The following DPP6 variants were observed in gnomAD, a reference collection of about 807,000 sequenced individuals.
The protein encoded by DPP6 is dipeptidyl peptidase like 6.
DPP6 carries 69 observed loss-of-function variants against 122.6 expected under a neutral mutation model. The observed-to-expected ratio is 0.56, with a 90% CI of 0.46 to 0.69. DPP6 has a LOEUF of 0.69. Among genes scored for constraint, DPP6 ranks in the 30% least tolerant of loss-of-function variants. The pLI is 0.00. For synonymous variants in DPP6, 418 were observed against 433.1 expected (o/e 0.97, Z 0.43); for missense variants, 928 against 1,116.9 (o/e 0.83, Z 2.41).
chr7:154,700,702 G>A lies in DPP6; in HGVS notation c.763-27065G>A, dbSNP rs561045369. On this transcript the variant is annotated intron_variant, in intron 7 of 25. Coordinates refer to ENST00000377770, the MANE Select transcript of DPP6 (RefSeq NM_130797.4). Reference sequence around the variant, plus strand: ...AGAAAATGTGCATCTACTTCCCCAGGATAGGGCGGTGGCCCCTCGAACCCC... The same window carrying A: ...AGAAAATGTGCATCTACTTCCCCAGAATAGGGCGGTGGCCCCTCGAACCCC... Among the ~76,000 whole-genome samples, 4 of 152,090 alleles carry A rather than the reference G, an allele frequency of 2.6e-5. No homozygotes were observed. In the South Asian group the frequency reaches 8.3e-4, roughly 32 times the overall value.
the DPP6 span, among the ~76,000 whole-genome samples, chr7:153,787,244 C>A: frequency 6.9e-6 from 1 of 145,384 alleles, no homozygotes; most frequent in African/African-American, 2.6e-5. Flanking sequence ...GCCACTGCGC[C>A]CGGCCACGGA....
At chr7:154,269,618 G>A (rs925947891) in intron 1 of DPP6, among the ~76,000 whole-genome samples, 4 of 152,164 alleles carry the variant, frequency 2.6e-5, no homozygotes, top group African/African-American at 9.7e-5. Context: ...CCTGATCATG[G>A]ACAAGTTCCT....
chr7:153,935,027 C>T (rs1269136111), intron 1 of DPP6, among the ~76,000 whole-genome samples: 3 of 152,158 alleles, frequency 2.0e-5, no homozygotes, highest in African/African-American at 4.8e-5. Context: ...ACAGAAGGCC[C>T]GGGGGAGGAG....
At position 154,225,091 on chromosome 7, in the gene DPP6, G is replaced by A. The variant is rs141065802; in HGVS notation, c.243+172028G>A. The stretch of plus-strand genomic sequence containing the variant: ...TGGGAGGTGAAGGTTGCAGTGAGCC[G>A]AGACTGTGCCACTGCACTCCAGCCT... On this transcript the variant is annotated intron_variant, in intron 1 of 25. Transcript: ENST00000377770. Among the ~76,000 whole-genome samples the A allele has an allele frequency of 4.4e-3, 674 of 152,198 alleles. 7 individuals carry two copies. Among genetic ancestry groups the A allele is most frequent in the African/African-American group, 0.015 (642 of 41,530 alleles).
chr7:154,368,161 C>T lies in DPP6; in HGVS notation c.244-78053C>T, dbSNP rs183311154. Among the ~76,000 whole-genome samples the T allele has an allele frequency of 3.5e-4, 54 of 152,264 alleles. No homozygotes were observed. The East Asian group carries it at 3.7e-3, about 10-fold the overall frequency. On this transcript the variant is annotated intron_variant, in intron 1 of 25. Coordinates refer to ENST00000377770, the MANE Select transcript of DPP6 (RefSeq NM_130797.4). Reference sequence around the variant, plus strand: ...AATTCTGAAAGCTATTGGATAATGGCGTTGTTTAGAATAATAACCTTATAG... The same window carrying T: ...AATTCTGAAAGCTATTGGATAATGGTGTTGTTTAGAATAATAACCTTATAG...
At chr7:154,546,490 A>T (rs966834624) in intron 4 of DPP6, among the ~76,000 whole-genome samples, 3 of 46,542 alleles carry the variant, frequency 6.4e-5, no homozygotes, top group South Asian at 5.0e-4. Flanking sequence ...CGATTATTTA[A>T]AAAAAAAAAA....
upstream of DPP6, among the ~76,000 whole-genome samples, chr7:154,047,674 C>T (rs561824909): frequency 0.011 from 1,595 of 151,356 alleles, 4 homozygotes; most frequent in African/African-American, 0.038. Flanking sequence ...ATTTCTGAGG[C>T]AATGTTGGTA....
At position 154,178,850 on chromosome 7, in the gene DPP6, AGAG is replaced by A. The variant is rs1053341443; in HGVS notation, c.243+125791_243+125793del. Among the ~76,000 whole-genome samples the A allele has an allele frequency of 2.7e-4, 41 of 152,260 alleles. No individual in the cohort carries two copies. In the East Asian group the frequency reaches 6.8e-3, roughly 25 times the overall value. The stretch of plus-strand genomic sequence containing the variant: ...GGAGGAACAGCCTCAGATGGGGGAG[AGAG>A]GAGAAGTTGGCATGTCCACCACTAG... On this transcript the variant is annotated intron_variant, in intron 1 of 25. Coordinates refer to ENST00000377770, the MANE Select transcript of DPP6 (RefSeq NM_130797.4).
chr7:154,431,437 CTTTCCTTTCT>C (rs1411165811), intron 1 of DPP6, among the ~76,000 whole-genome samples: 3 of 87,372 alleles, frequency 3.4e-5, no homozygotes, highest in Admixed American at 2.5e-4. Context: ...CTCTGTTTTT[CTTTCCTTTCT>C]TTTCTTTTCT....
chr7:154,026,585 C>T (rs1798965999), intron 1 of DPP6: 1 of 152,144 alleles, frequency 6.6e-6, no homozygotes, highest in African/African-American at 2.4e-5. Context: ...TGTACCAACT[C>T]AGTCCTTTTC....
chr7:154,309,567 G>A (rs909031376), intron 1 of DPP6, among the ~76,000 whole-genome samples: 1 of 152,152 alleles, frequency 6.6e-6, no homozygotes, highest in Admixed American at 6.5e-5. Context: ...GTTCCTGTCC[G>A]CTGCTCTCTG....
chr7:153,866,444 A>G, the DPP6 span, among the ~76,000 whole-genome samples: 1 of 152,164 alleles, frequency 6.6e-6, no homozygotes, highest in African/African-American at 2.4e-5. Context: ...GTCTGCATAA[A>G]TGTCTTCTCT....
chr7:154,345,489 T>G (rs1289798787), intron 1 of DPP6, among the ~76,000 whole-genome samples: 3 of 152,160 alleles, frequency 2.0e-5, no homozygotes, highest in Non-Finnish European at 2.9e-5. Flanking sequence ...TCCCATGGGT[T>G]GGAAAGTGGG....
At chr7:154,175,850 T>C (rs7782201) in intron 1 of DPP6, among the ~76,000 whole-genome samples, 124,792 of 151,748 alleles carry the variant, frequency 0.82, 51,702 homozygotes, top group East Asian at 1. Context: ...ACCACACCTG[T>C]CTAACTTTTG....
Position 154,209,119 on chromosome 7 carries a change from C to T in DPP6, c.243+156056C>T, listed in dbSNP as rs536056783. 3.1e-4 allele frequency among the ~76,000 whole-genome samples: 47 copies of T among 152,260 alleles called. 1 individual carries two copies. The South Asian group carries it at 5.6e-3, about 18-fold the overall frequency. On this transcript the variant is annotated intron_variant, in intron 1 of 25. Coordinates refer to ENST00000377770, the MANE Select transcript of DPP6 (RefSeq NM_130797.4). ...TCAATGAGGATCTGGATGGAGAGTT[C>T]GCCATCTTGATTCACGTAACAAAAA...
Position 153,963,388 on chromosome 7 carries a change from C to T in DPP6, c.51+75654C>T, listed in dbSNP as rs1156251098. Among the ~76,000 whole-genome samples, 8 of 147,936 alleles carry T rather than the reference C, an allele frequency of 5.4e-5. 1 individual carries two copies. The highest frequency in any genetic ancestry group is 1.3e-4 in the Admixed American group (2 of 14,826). On this transcript the variant is annotated intron_variant, in intron 1 of 25. Coordinates refer to the DPP6 transcript ENST00000404039. ...GAAGGAAGCACCAAAGTAAAAAACC[C>T]GAGAAAACCTGGAGAAGGTGCCCAG...
chr7:153,862,221 G>A, the DPP6 span, among the ~76,000 whole-genome samples: 1 of 152,164 alleles, frequency 6.6e-6, no homozygotes, highest in Admixed American at 6.5e-5. Flanking sequence ...AAGAGGAAAT[G>A]AGATTTTTAA....
chr7:154,367,019 G>C (rs549678820), intron 1 of DPP6, among the ~76,000 whole-genome samples: 1 of 152,294 alleles, frequency 6.6e-6, no homozygotes, highest in East Asian at 1.9e-4. Context: ...GATTAGTGTC[G>C]GTGTTCTTGT....
intron 1 of DPP6, among the ~76,000 whole-genome samples, chr7:154,193,289 A>G (rs1798703945): frequency 6.6e-6 from 1 of 151,394 alleles, no homozygotes; most frequent in East Asian, 1.9e-4. Context: ...AGTGATAGGA[A>G]AAAACAGCAT....
Sources: gnomAD v4.1 joint callset for allele counts (sites outside exome capture counted in the v4.1 genomes callset) on GRCh38, gnomAD v4.1.1 for gene constraint, MANE v1.5 for transcripts, NCBI Gene and HGNC (gene_info 2026-07-23, HGNC 2026-07-21) for gene names.